ADCY9: variants seen among roughly 807,000 people sequenced by gnomAD.
The protein encoded by ADCY9 is adenylate cyclase type 9.
Under a neutral mutation model 101.5 loss-of-function variants are expected in ADCY9, and 50 were observed. The ratio of observed to expected loss-of-function variants is 0.49; its 90% CI spans 0.39 to 0.62. The LOEUF (loss-of-function observed/expected upper bound fraction) is 0.62. Ranked by LOEUF, ADCY9 falls within the 20% of genes least tolerant of loss-of-function variation. The probability of loss-of-function intolerance (pLI) is 0.00; values close to 1 mark genes in which losing one functional copy is unlikely to be tolerated. For missense variants in ADCY9, 1,662 were observed against 1,800.4 expected, an observed-to-expected ratio of 0.92 and a Z score of 1.39; for synonymous variants, 905 against 769.3, an observed-to-expected ratio of 1.18 and a Z score of -2.92.
intron 7 of ADCY9, among the ~76,000 whole-genome samples, chr16:3,981,611 T>G (rs1044985165): frequency 6.6e-6 from 1 of 152,204 alleles, no homozygotes; most frequent in African/African-American, 2.4e-5. Context: ...TTTTCTTTTT[T>G]GAGATGGAGT....
intron 2 of ADCY9, among the ~76,000 whole-genome samples, chr16:4,010,034 G>A (rs571834306): frequency 1.3e-5 from 2 of 152,316 alleles, no homozygotes; most frequent in Admixed American, 6.5e-5. Flanking sequence ...AGAGAGGAGG[G>A]ACATTTTTTT....
intron 2 of ADCY9, among the ~76,000 whole-genome samples, chr16:4,027,561 G>A (rs1271288141): frequency 6.6e-6 from 1 of 152,194 alleles, no homozygotes; most frequent in Non-Finnish European, 1.5e-5. Context: ...GAGAGTGTGT[G>A]CAGGGGAACT....
chr16:4,104,538 G>A (rs1252301278), intron 2 of ADCY9, among the ~76,000 whole-genome samples: 5 of 152,074 alleles, frequency 3.3e-5, no homozygotes, highest in African/African-American at 9.7e-5. Context: ...CTTGAGCCCA[G>A]GAGGTCAAGG....
At chr16:4,061,046 C>T (rs538816043) in intron 2 of ADCY9, among the ~76,000 whole-genome samples, 7 of 152,008 alleles carry the variant, frequency 4.6e-5, no homozygotes, top group Non-Finnish European at 7.4e-5. Flanking sequence ...AGAAACCAAA[C>T]AGAAATTCTA....
intron 2 of ADCY9, among the ~76,000 whole-genome samples, chr16:4,010,361 C>A (rs1054088541): frequency 7.2e-5 from 11 of 152,218 alleles, no homozygotes; most frequent in Non-Finnish European, 1.5e-4. Flanking sequence ...CACGACGGGA[C>A]AGCCAGCACA....
chr16:4,003,244 T>A (rs757997779), intron 3 of ADCY9, among the ~76,000 whole-genome samples: 10 of 152,178 alleles, frequency 6.6e-5, no homozygotes, highest in Non-Finnish European at 1.3e-4. Context: ...GCAATCACTG[T>A]GAGAATCTCC....
chr16:3,967,728 T>C (rs1370329428), intron 10 of ADCY9, among the ~76,000 whole-genome samples: 2 of 150,164 alleles, frequency 1.3e-5, no homozygotes, highest in Non-Finnish European at 3.0e-5. Flanking sequence ...GATTGAGTCT[T>C]GCTCTGTTGC....
At chr16:3,998,182 T>C (rs1402457295) in intron 3 of ADCY9, among the ~76,000 whole-genome samples, 1 of 152,184 alleles carries the variant, frequency 6.6e-6, no homozygotes, top group Non-Finnish European at 1.5e-5. Context: ...GGTGGCTTGC[T>C]TGAGCCCAGG....
intron 2 of ADCY9, among the ~76,000 whole-genome samples, chr16:4,087,263 G>C (rs763238531): frequency 2.0e-5 from 3 of 151,874 alleles, no homozygotes; most frequent in Non-Finnish European, 4.4e-5. Flanking sequence ...GGCCGGGCAC[G>C]GTGGCTCACG....
In ADCY9 at chr16:4,045,367, C is replaced by T. The variant is rs935796340; in HGVS notation, c.1694-37809G>A. 1.4e-4 allele frequency among the ~76,000 whole-genome samples: 21 copies of T among 151,920 alleles called. 1 individual carries two copies. The highest frequency in any genetic ancestry group is 1.2e-4 in the Non-Finnish European group (8 of 67,990). ...ATCCCAGCACTTTCAGAGGCCAAGA[C>T]GGGCAGATCACAAGGTCAGGAGTTC... On this transcript the variant is annotated intron_variant, in intron 2 of 10. Transcript: ENST00000294016.
At chr16:4,055,833 C>CAA (rs796893971) in intron 2 of ADCY9, among the ~76,000 whole-genome samples, 2 of 132,618 alleles carry the variant, frequency 1.5e-5, no homozygotes, top group African/African-American at 5.6e-5. Context: ...GGATCCGTTT[C>CAA]AAAAAAAAAA....
intron 2 of ADCY9, among the ~76,000 whole-genome samples, chr16:4,029,752 T>A (rs1457416198): frequency 6.6e-6 from 1 of 151,394 alleles, no homozygotes; most frequent in Non-Finnish European, 1.5e-5. Context: ...CTCAAGACAA[T>A]ACAAAACAAA....
chr16:3,985,805 C>T (rs771638981), intron 6 of ADCY9, among the ~76,000 whole-genome samples: 2 of 152,176 alleles, frequency 1.3e-5, no homozygotes, highest in African/African-American at 2.4e-5. Flanking sequence ...TGCTACTTGC[C>T]AGAGACACCT....
At chr16:3,993,608 A>G (rs2141704902) in intron 3 of ADCY9, 98 bp from the exon 4 acceptor site, 1 of 1,476,364 alleles carries the variant, frequency 6.8e-7, no homozygotes, top group East Asian at 2.3e-5. Context: ...GTCACGCAGC[A>G]TGGTGGTGAG....
rs192358559 is a variant in ADCY9 at position 3,979,495 on chromosome 16, A to G, written c.2520-220T>C. On this transcript the variant is annotated intron_variant, in intron 7 of 10. Coordinates refer to ENST00000294016, the MANE Select transcript of ADCY9 (RefSeq NM_001116.4). ...TCATTGTACCTGATTCTAGGGTCAC[A>G]TGTTGCGTTGTGATAAAATATGCTT... is the stretch of plus-strand genomic sequence containing the variant. Among the ~76,000 whole-genome samples, 200 of 152,358 alleles carry G rather than the reference A, an allele frequency of 1.3e-3. 2 individuals carry two copies. Among genetic ancestry groups the G allele is most frequent in the African/African-American group, 4.4e-3 (185 of 41,578 alleles).
At chr16:4,033,176 T>C (rs887893272) in intron 2 of ADCY9, among the ~76,000 whole-genome samples, 3 of 152,214 alleles carry the variant, frequency 2.0e-5, no homozygotes, top group Non-Finnish European at 2.9e-5. Flanking sequence ...AAATCACATA[T>C]AAGCACTTAG....
chr16:3,963,539 G>A lies in ADCY9; in HGVS notation c.*2236C>T, dbSNP rs1373078194. On this transcript the variant is annotated 3_prime_UTR_variant, in exon 11 of 11. Coordinates refer to ENST00000294016, the MANE Select transcript of ADCY9 (RefSeq NM_001116.4). ...TTAAGCTCTGGGTGAGTCTGCACGG[G>A]GCTGAACCAGACTCCACTTTGCAGC... 2.6e-6 allele frequency: 1 copy of A among 384,196 alleles called. No individual in the cohort carries two copies. The highest frequency in any genetic ancestry group is 2.1e-5 in the African/African-American group (1 of 48,110). 23.8% of individuals were successfully genotyped at this position (384,196 alleles called of 1,614,324 possible).
intron 2 of ADCY9, among the ~76,000 whole-genome samples, chr16:4,071,508 C>T (rs191662651): frequency 6.6e-6 from 1 of 152,164 alleles, no homozygotes; most frequent in African/African-American, 2.4e-5. Context: ...TGATGCAAAT[C>T]TTCAGGCCAA....
intron 2 of ADCY9, among the ~76,000 whole-genome samples, chr16:4,018,951 T>TTGTGTGTGTGTGTGTGTGTGTGTGTGTG (rs58093859): frequency 0.02 from 2,716 of 138,878 alleles, 62 homozygotes; most frequent in Non-Finnish European, 0.028. Flanking sequence ...AGAATCGCAG[T>TTGTGTGTGTGTGTGTGTGTGTGTGTGTG]TGTGTGTGTG....
Sources: gnomAD v4.1 joint callset for allele counts (sites outside exome capture counted in the v4.1 genomes callset) on GRCh38, gnomAD v4.1.1 for gene constraint, MANE v1.5 for transcripts, NCBI Gene and HGNC (gene_info 2026-07-23, HGNC 2026-07-21) for gene names.